The following RARS1 variants were observed in gnomAD, a reference collection of about 807,000 sequenced individuals.
The protein encoded by RARS1 is arginyl-tRNA synthetase 1.
RARS1 carries 75 observed loss-of-function variants against 78.7 expected under a neutral mutation model. That is an observed-to-expected ratio of 0.95 (90% CI 0.79 to 1.15). The LOEUF is 1.15. Among genes scored for constraint, RARS1 ranks in the 50% most tolerant of loss-of-function variants. The pLI, the probability that RARS1 is intolerant of heterozygous loss-of-function variation, is 0.00. For synonymous variants in RARS1, 273 were observed against 268.2 expected, an observed-to-expected ratio of 1.02 and a Z score of -0.18; for missense variants, 787 against 787.5, an observed-to-expected ratio of 1.00 and a Z score of 0.01.
chr5:168,519,018 T>G, intron 14 of RARS1, 63 bp from the exon 15 acceptor site: 1 of 1,414,796 alleles, frequency 7.1e-7, no homozygotes, highest in Admixed American at 1.8e-5. Context: ...TAACATAGAT[T>G]CTTTAATAAT....
At chr5:168,500,352 T>C (rs933528811) in intron 7 of RARS1, among the ~76,000 whole-genome samples, 3 of 152,150 alleles carry the variant, frequency 2.0e-5, no homozygotes, top group Non-Finnish European at 4.4e-5. Flanking sequence ...CTTTTGTGAA[T>C]TGGAAAAGTG....
At chr5:168,494,406 G>C in intron 4 of RARS1, 144 bp from the exon 5 acceptor site, 4 of 1,459,146 alleles carry the variant, frequency 2.7e-6, no homozygotes, top group Non-Finnish European at 2.7e-6. Context: ...GAGCTTACAA[G>C]ACAGCTTAAG....
At chr5:168,496,523 C>T (rs1189977105) in intron 6 of RARS1, among the ~76,000 whole-genome samples, 1 of 151,676 alleles carries the variant, frequency 6.6e-6, no homozygotes, top group African/African-American at 2.4e-5. Context: ...TGCTCTGTTG[C>T]CCAGGCTGGA....
intron 1 of RARS1, 50 bp downstream of exon 1, chr5:168,486,593 T>C (rs1334938080): frequency 1.3e-6 from 2 of 1,544,616 alleles, no homozygotes; most frequent in Non-Finnish European, 8.8e-7. Flanking sequence ...TGGAGCAGGC[T>C]CTGACTCCTG....
At chr5:168,495,032 G>T (rs1758155318) in intron 5 of RARS1, 1 of 351,708 alleles carries the variant, frequency 2.8e-6, no homozygotes, top group Non-Finnish European at 4.8e-6. Context: ...AATTCCACAA[G>T]GCATTTGAGG....
rs747081540 is a variant in RARS1 at position 168,488,741 on chromosome 5, G to A, written c.180+5G>A. On this transcript the variant is annotated splice_donor_5th_base_variant and intron_variant, in intron 2 of 14. Coordinates refer to ENST00000231572, the MANE Select transcript of RARS1 (RefSeq NM_002887.4). ...CGACTGAATATTCTTCGAAAGGTGA[G>A]TACTTTGGGTTCCAGTTTTATTCTC... 21 of 1,587,360 alleles carry A rather than the reference G, an allele frequency of 1.3e-5. No homozygotes were observed. Among genetic ancestry groups the A allele is most frequent in the Admixed American group, 1.3e-4 (7 of 52,968 alleles).
intron 12 of RARS1, among the ~76,000 whole-genome samples, chr5:168,513,632 T>G (rs1408609015): frequency 6.6e-6 from 1 of 151,556 alleles, no homozygotes; most frequent in African/African-American, 2.4e-5. Context: ...CTGCCTTTTC[T>G]TAGGCTTATT....
At chr5:168,513,219 G>GTT (rs1279957065) in intron 12 of RARS1, among the ~76,000 whole-genome samples, 5 of 122,280 alleles carry the variant, frequency 4.1e-5, no homozygotes, top group Non-Finnish European at 7.1e-5. Flanking sequence ...CTAATTTTTT[G>GTT]TATTTTTTTT....
intron 3 of RARS1, chr5:168,493,120 A>G (rs1758120097): frequency 6.7e-6 from 2 of 297,620 alleles, no homozygotes; most frequent in South Asian, 1.4e-4. Flanking sequence ...TGCTGTGTCC[A>G]GGATTGCTGT....
chr5:168,492,838 T>C lies in RARS1; in HGVS notation c.360T>C (p.Gly120=), dbSNP rs777966160. The C allele has an allele frequency of 6.2e-7, 1 of 1,602,142 alleles. No individual in the cohort carries two copies. Among genetic ancestry groups the C allele is most frequent in the South Asian group, 1.1e-5 (1 of 90,534 alleles). ...ACTATCAGTGTAATAGTGCTATGGG[T>C]ATTTCTCAGGTGATGTATTGTCATG... ...FGDYQCNSAM[G]ISQMLKTKEQ... Residue 120 remains glycine (G), a synonymous_variant, in exon 3 of 15, where the codon GGT becomes GGC. Coordinates refer to ENST00000231572, the MANE Select transcript of RARS1 (RefSeq NM_002887.4).
At chr5:168,494,036 A>G (rs762971705) in intron 4 of RARS1, 34 bp downstream of exon 4, 3 of 1,531,788 alleles carry the variant, frequency 2.0e-6, no homozygotes, top group Admixed American at 1.8e-5. Context: ...TAATAGTTGT[A>G]TTGAACATGA....
rs546993871 is a variant in RARS1, at chr5:168,492,757, A to G, written c.279A>G (p.Pro93=). 6.2e-7 allele frequency: 1 copy of G among 1,613,826 alleles called. No individual in the cohort carries two copies. Among genetic ancestry groups the G allele is most frequent in the South Asian group, 1.1e-5 (1 of 91,080 alleles). Residue 93 remains proline (P), a synonymous_variant, in exon 3 of 15, where the codon CCA becomes CCG. Transcript: ENST00000231572. ...VFGHAIKAAY[P]DLENPPLLVT... ...GTCATGCAATTAAGGCTGCATATCCAGATTTGGAAAATCCTCCTCTGCTAG... is the reference window on the plus strand; with the variant it reads ...GTCATGCAATTAAGGCTGCATATCCGGATTTGGAAAATCCTCCTCTGCTAG...
At chr5:168,506,938 C>T in intron 11 of RARS1, 107 bp downstream of exon 11, 1 of 887,322 alleles carries the variant, frequency 1.1e-6, no homozygotes, top group Non-Finnish European at 1.8e-6. Flanking sequence ...TCCTTTAGTC[C>T]ACATAAGCTA....
rs544527732 is a variant in RARS1, at chr5:168,494,106, T to C, written c.478+104T>C. On this transcript the variant is annotated intron_variant, in intron 4 of 14. Coordinates refer to ENST00000231572, the MANE Select transcript of RARS1 (RefSeq NM_002887.4). ...AATTACAGGGTTAAACTTTGTATAC[T>C]GAACAAGATGGTGAAAGCACTGTGG... The C allele has an allele frequency of 9.3e-4, 1,197 of 1,285,746 alleles. 3 individuals carry two copies. The highest frequency in any genetic ancestry group is 1.3e-3 in the South Asian group (88 of 65,322). The allele number at this position is 1,285,746 out of a possible 1,614,324, so 79.6% of individuals were successfully genotyped here. A position where few individuals can be genotyped will look rare whatever the true frequency, so the allele number is the denominator to read the frequency against.
intron 13 of RARS1, 70 bp downstream of exon 13, chr5:168,517,020 CTTTTTTTT>C (rs35717210): frequency 2.9e-5 from 34 of 1,168,384 alleles, no homozygotes; most frequent in Non-Finnish European, 3.9e-5. Flanking sequence ...AAAATATTTT[CTTTTTTTT>C]TTTTTGAAAT....
chr5:168,495,242 T>C, intron 5 of RARS1, 73 bp from the exon 6 acceptor site: 1 of 1,532,196 alleles, frequency 6.5e-7, no homozygotes, highest in Non-Finnish European at 8.8e-7. Flanking sequence ...ATGTTTATGC[T>C]CCTCTTAAAA....
chr5:168,508,323 T>A (rs1003139452), intron 11 of RARS1, among the ~76,000 whole-genome samples: 3 of 151,898 alleles, frequency 2.0e-5, no homozygotes, highest in African/African-American at 4.8e-5. Context: ...CTTTTTTTTT[T>A]TTATTTTTTA....
intron 7 of RARS1, among the ~76,000 whole-genome samples, chr5:168,499,668 T>C (rs1273392440): frequency 6.6e-6 from 1 of 152,084 alleles, no homozygotes; most frequent in African/African-American, 2.4e-5. Flanking sequence ...ATGCAAGAAA[T>C]TGTTTGTATA....
chr5:168,498,993 CA>C (rs1758259811), intron 7 of RARS1, among the ~76,000 whole-genome samples: 1 of 151,686 alleles, frequency 6.6e-6, no homozygotes, highest in African/African-American at 2.4e-5. Context: ...ATTATTTCTT[CA>C]AAAATTAAAA....
Sources: gnomAD v4.1 joint callset for allele counts (sites outside exome capture counted in the v4.1 genomes callset) on GRCh38, gnomAD v4.1.1 for gene constraint, MANE v1.5 for transcripts, NCBI Gene and HGNC (gene_info 2026-07-23, HGNC 2026-07-21) for gene names.